Variants in ADGRD1 observed in about 807,000 individuals in gnomAD.
ADGRD1 encodes the protein G-protein coupled receptor 133.
ADGRD1 carries 77 observed loss-of-function variants against 113.4 expected under a neutral mutation model. The observed-to-expected ratio is 0.68, with a 90% CI of 0.57 to 0.82. ADGRD1 has a LOEUF of 0.82. Among genes scored for constraint, ADGRD1 ranks in the 40% least tolerant of loss-of-function variants. The pLI, the probability that ADGRD1 is intolerant of heterozygous loss-of-function variation, is 0.00. For missense variants in ADGRD1, 1,036 were observed against 1,139.1 expected, an observed-to-expected ratio of 0.91 and a Z score of 1.30; for synonymous variants, 474 against 475.0, an observed-to-expected ratio of 1.00 and a Z score of 0.03.
chr12:131,000,380 T>A lies in ADGRD1; in HGVS notation c.967-3T>A. 6.2e-7 allele frequency: 1 copy of A among 1,612,734 alleles called. No individual in the cohort carries two copies. Among genetic ancestry groups the A allele is most frequent in the Non-Finnish European group, 8.5e-7 (1 of 1,178,872 alleles). ...TGAGCAGTGTCATTTTGTCCACCTT[T>A]AGACCTTCTTAAAAGCCGTGGGAGA... On this transcript the variant is annotated splice_region_variant and splice_polypyrimidine_tract_variant and intron_variant, in intron 8 of 24. Coordinates refer to ENST00000261654, the MANE Select transcript of ADGRD1 (RefSeq NM_198827.5).
At chr12:130,976,139 A>G (rs906415060) in intron 4 of ADGRD1, among the ~76,000 whole-genome samples, 2 of 152,160 alleles carry the variant, frequency 1.3e-5, no homozygotes, top group Non-Finnish European at 2.9e-5. Flanking sequence ...GCTGTCAACA[A>G]TTTGCTAAGA....
Position 130,991,052 on chromosome 12 carries a change from T to A in ADGRD1, c.784T>A (p.Phe262Ile). Residue 262 changes from phenylalanine (F) to isoleucine (I), a missense_variant, in exon 7 of 25, where the codon TTC becomes ATC. By Grantham distance (21) the Phe-to-Ile change is conservative. Transcript: ENST00000261654. Reference protein sequence around the residue: ...ALLSSTLPSLFMTSTASPVMP... With the variant: ...ALLSSTLPSLIMTSTASPVMP... ...ATTGTCTTCAACGCTGCCAAGCCTCTTCATGACATCCACAGCAAGCCCCGT... is the reference window on the plus strand; with the variant it reads ...ATTGTCTTCAACGCTGCCAAGCCTCATCATGACATCCACAGCAAGCCCCGT... The A allele has an allele frequency of 6.2e-7, 1 of 1,614,118 alleles. No homozygotes were observed. Among genetic ancestry groups the A allele is most frequent in the South Asian group, 1.1e-5 (1 of 91,078 alleles).
At position 131,003,981 on chromosome 12, in the gene ADGRD1, C is replaced by A. The variant is rs528408834; in HGVS notation, c.1145-205C>A. 3.3e-5 allele frequency among the ~76,000 whole-genome samples: 5 copies of A among 150,972 alleles called. No individual in the cohort carries two copies. In the South Asian group the frequency reaches 8.4e-4, roughly 25 times the overall value. ...GCGCCCGTGGGCCGGAATGCTGAGC[C>A]TCCCCGTGGCAGTCACTGCCTGGGC... On this transcript the variant is annotated intron_variant, in intron 10 of 24. Coordinates refer to ENST00000261654, the MANE Select transcript of ADGRD1 (RefSeq NM_198827.5). The surrounding 1 kb of genome is among the most constrained non-coding windows in gnomAD (Gnocchi z 4.8).
chr12:130,954,355 CT>C lies in ADGRD1; in HGVS notation c.-110del. On this transcript the variant is annotated 5_prime_UTR_variant, in exon 1 of 25. Transcript: ENST00000261654. This position sits in a 1 kb window ranked among gnomAD's most constrained non-coding sequence, Gnocchi z 4.7. ...TTTAAGGAGACAGAAATTTTCTCCCCTGGAACCTGTGAAAATGTCCCTTTTC... is the reference window on the plus strand; with the variant it reads ...TTTAAGGAGACAGAAATTTTCTCCCCGGAACCTGTGAAAATGTCCCTTTTC... The C allele has an allele frequency of 1.0e-6, 1 of 968,130 alleles. No individual in the cohort carries two copies. Among genetic ancestry groups the C allele is most frequent in the East Asian group, 2.5e-5 (1 of 40,256 alleles). The allele number at this position is 968,130 out of a possible 1,614,324, so 60.0% of individuals were successfully genotyped here.
intron 13 of ADGRD1, among the ~76,000 whole-genome samples, chr12:131,048,841 C>T (rs35216313): frequency 0.09 from 13,656 of 152,198 alleles, 841 homozygotes; most frequent in Non-Finnish European, 0.13. Context: ...TGCTGTCTCC[C>T]CTCTCCGAGA....
chr12:131,136,938 G>C, intron 22 of ADGRD1, 35 bp from the exon 23 acceptor site: 1 of 1,561,334 alleles, frequency 6.4e-7, no homozygotes, highest in Non-Finnish European at 8.8e-7. Context: ...CGTGCAAAGG[G>C]CTCTAATCTC....
At chr12:130,991,398 C>T (rs527834064) in intron 7 of ADGRD1, among the ~76,000 whole-genome samples, 8 of 152,040 alleles carry the variant, frequency 5.3e-5, no homozygotes, top group East Asian at 3.9e-4. Flanking sequence ...ATGCCCTTTT[C>T]GTTTGATGTT....
chr12:131,009,177 C>G (rs981826346), intron 12 of ADGRD1, among the ~76,000 whole-genome samples: 1 of 152,226 alleles, frequency 6.6e-6, no homozygotes, highest in Non-Finnish European at 1.5e-5. Flanking sequence ...GTTGTGGGCC[C>G]GTGTCTCTTG....
At chr12:130,976,282 C>A (rs1872297106) in intron 4 of ADGRD1, among the ~76,000 whole-genome samples, 1 of 152,056 alleles carries the variant, frequency 6.6e-6, no homozygotes, top group Non-Finnish European at 1.5e-5. Context: ...AGCAGATGAT[C>A]CTCAGAGAAG....
intron 4 of ADGRD1, among the ~76,000 whole-genome samples, chr12:130,979,657 C>T (rs1173148777): frequency 6.6e-6 from 1 of 152,176 alleles, no homozygotes; most frequent in African/African-American, 2.4e-5. Flanking sequence ...CTGCACCCAC[C>T]GTCCCATCAT....
chr12:130,961,989 A>G (rs545092196), intron 2 of ADGRD1, among the ~76,000 whole-genome samples: 2 of 152,332 alleles, frequency 1.3e-5, no homozygotes, highest in African/African-American at 4.8e-5. Flanking sequence ...CTCCTGCCCT[A>G]CGACTGCAGT....
At chr12:130,994,127 A>G (rs1874847188) in intron 8 of ADGRD1, 8 of 318,236 alleles carry the variant, frequency 2.5e-5, no homozygotes, top group South Asian at 2.0e-4. Context: ...AAGGCTGCCC[A>G]GTGTGGGAGC....
chr12:131,139,470 C>T lies in ADGRD1; in HGVS notation c.*207C>T. 1 of 558,240 alleles carries T rather than the reference C, an allele frequency of 1.8e-6. No individual in the cohort carries two copies. Among genetic ancestry groups the T allele is most frequent in the Non-Finnish European group, 3.2e-6 (1 of 308,732 alleles). The allele number at this position is 558,240 out of a possible 1,614,324, so 34.6% of individuals were successfully genotyped here. A position where few individuals can be genotyped will look rare whatever the true frequency, so the allele number is the denominator to read the frequency against. Reference sequence around the variant, plus strand: ...GCCTGATGCCCAGGCCAGCGTGGGCCCTCCTGCCTTGCATCCACCCGTGGG... The same window carrying T: ...GCCTGATGCCCAGGCCAGCGTGGGCTCTCCTGCCTTGCATCCACCCGTGGG... On this transcript the variant is annotated 3_prime_UTR_variant, in exon 25 of 25. Coordinates refer to ENST00000261654, the MANE Select transcript of ADGRD1 (RefSeq NM_198827.5).
At chr12:131,121,418 C>G (rs147539394) in intron 20 of ADGRD1, among the ~76,000 whole-genome samples, 1,547 of 152,340 alleles carry the variant, frequency 0.01, 20 homozygotes, top group African/African-American at 0.034. Context: ...CGGAGTCTCA[C>G]TTTGTCTCCC....
intron 13 of ADGRD1, among the ~76,000 whole-genome samples, chr12:131,052,265 T>G (rs1360546582): frequency 6.6e-6 from 1 of 152,324 alleles, no homozygotes; most frequent in South Asian, 2.1e-4. Context: ...TGAGAACCCC[T>G]GCACCGAGTC....
At position 131,131,682 on chromosome 12, in the gene ADGRD1, C is replaced by T. The variant is rs754440680; in HGVS notation, c.2176-43C>T. The T allele has an allele frequency of 5.1e-6, 7 of 1,384,014 alleles. No homozygotes were observed. In the African/African-American group the frequency reaches 8.6e-5, roughly 17 times the overall value. 85.7% of individuals were successfully genotyped at this position (1,384,014 alleles called of 1,614,324 possible). A position where few individuals can be genotyped will look rare whatever the true frequency, so the allele number is the denominator to read the frequency against. On this transcript the variant is annotated intron_variant, in intron 20 of 24. Coordinates refer to ENST00000261654, the MANE Select transcript of ADGRD1 (RefSeq NM_198827.5). Reference sequence around the variant, plus strand: ...GGCGGACGCAGCTCTCCTGCAGGTGCAGCCCAGGCCCCCCTCACCTTCCTC... The same window carrying T: ...GGCGGACGCAGCTCTCCTGCAGGTGTAGCCCAGGCCCCCCTCACCTTCCTC...
At chr12:131,126,192 C>G (rs1160626679) in intron 20 of ADGRD1, among the ~76,000 whole-genome samples, 5 of 152,172 alleles carry the variant, frequency 3.3e-5, no homozygotes, top group African/African-American at 1.2e-4. Flanking sequence ...GAGGGCTTTG[C>G]TCTCGTGAAT....
At chr12:131,047,472 C>A (rs1239502615) in intron 13 of ADGRD1, among the ~76,000 whole-genome samples, 1 of 152,206 alleles carries the variant, frequency 6.6e-6, no homozygotes, top group African/African-American at 2.4e-5. Context: ...TCCAGGGAGC[C>A]CCCTGTCGGG....
At chr12:131,000,747 C>CAAAAAAAA (rs371823726) in intron 9 of ADGRD1, among the ~76,000 whole-genome samples, 2 of 112,642 alleles carry the variant, frequency 1.8e-5, no homozygotes, top group African/African-American at 3.3e-5. Flanking sequence ...TCTCAAAAAA[C>CAAAAAAAA]AAAAAAAAAA....
Sources: gnomAD v4.1 joint callset for allele counts (sites outside exome capture counted in the v4.1 genomes callset) on GRCh38, gnomAD v4.1.1 for gene constraint, Gnocchi (gnomAD v3.1) non-coding constraint, MANE v1.5 for transcripts, NCBI Gene and HGNC (gene_info 2026-07-23, HGNC 2026-07-21) for gene names.